NEGR1: variants seen among roughly 807,000 people sequenced by gnomAD.
NEGR1 encodes neuronal growth regulator 1, also known as IgLON family member 4.
Under a neutral mutation model 40.9 loss-of-function variants are expected in NEGR1, and 10 were observed. That is an observed-to-expected ratio of 0.24 (90% CI 0.15 to 0.42). The LOEUF (loss-of-function observed/expected upper bound fraction) is 0.42, where lower values mean the gene tolerates loss of function less well. Among genes scored for constraint, NEGR1 ranks in the 10% least tolerant of loss-of-function variants. The pLI is 1.00. For missense variants in NEGR1, 352 were observed against 438.9 expected, an observed-to-expected ratio of 0.80 and a Z score of 1.77; for synonymous variants, 185 against 166.8, an observed-to-expected ratio of 1.11 and a Z score of -0.84.
intron 6 of NEGR1, among the ~76,000 whole-genome samples, chr1:71,470,171 A>G (rs1441794183): frequency 2.0e-5 from 3 of 152,100 alleles, no homozygotes; most frequent in African/African-American, 7.2e-5. Context: ...TATACTCAGA[A>G]TGCATCAGCA....
At chr1:71,752,388 AT>A in intron 3 of NEGR1, among the ~76,000 whole-genome samples, 1 of 152,104 alleles carries the variant, frequency 6.6e-6, no homozygotes, top group South Asian at 2.1e-4. Context: ...AGGGAAAGGG[AT>A]TTTTCCCACA....
intron 1 of NEGR1, among the ~76,000 whole-genome samples, chr1:72,063,968 T>C (rs1647218424): frequency 6.6e-6 from 1 of 151,960 alleles, no homozygotes; most frequent in South Asian, 2.1e-4. Flanking sequence ...AGTGATGGGA[T>C]GGCTTACAGT....
chr1:71,567,313 T>C (rs1570041696), intron 6 of NEGR1, among the ~76,000 whole-genome samples: 1 of 152,286 alleles, frequency 6.6e-6, no homozygotes, highest in East Asian at 1.9e-4. Context: ...TATTTTTATA[T>C]AGATTCTGCT....
intron 6 of NEGR1, among the ~76,000 whole-genome samples, chr1:71,549,432 G>T (rs1475670557): frequency 6.6e-6 from 1 of 151,676 alleles, no homozygotes; most frequent in African/African-American, 2.4e-5. Flanking sequence ...GATCAAAATT[G>T]CTCAAAATTT....
At chr1:71,727,489 G>GA (rs1379298155) in intron 3 of NEGR1, among the ~76,000 whole-genome samples, 3 of 152,202 alleles carry the variant, frequency 2.0e-5, no homozygotes, top group East Asian at 1.9e-4. Flanking sequence ...AATCCATGGA[G>GA]AAAAAATCAA....
chr1:71,571,246 A>G (rs536172627), intron 6 of NEGR1, among the ~76,000 whole-genome samples: 27 of 152,204 alleles, frequency 1.8e-4, no homozygotes, highest in Non-Finnish European at 3.5e-4. Flanking sequence ...TGGAGGAGCC[A>G]TATGTGTTTA....
intron 1 of NEGR1, among the ~76,000 whole-genome samples, chr1:72,237,279 T>C (rs750179488): frequency 6.6e-6 from 1 of 152,014 alleles, no homozygotes; most frequent in Non-Finnish European, 1.5e-5. Context: ...AGGAACCTGA[T>C]AGGATTCTTA....
At chr1:71,935,004 A>G in intron 2 of NEGR1, 75 bp downstream of exon 2, 1 of 812,566 alleles carries the variant, frequency 1.2e-6, no homozygotes, top group South Asian at 1.6e-5. Context: ...ACTGCTTCCT[A>G]GTCATTTTGA....
intron 3 of NEGR1, among the ~76,000 whole-genome samples, chr1:71,769,686 C>A (rs751454885): frequency 6.6e-5 from 10 of 152,198 alleles, no homozygotes; most frequent in Non-Finnish European, 1.5e-4. Flanking sequence ...GAGGCCTCCC[C>A]AGTCCTGTGG....
At chr1:71,592,515 C>A (rs1649534637) in intron 6 of NEGR1, among the ~76,000 whole-genome samples, 1 of 152,174 alleles carries the variant, frequency 6.6e-6, no homozygotes, top group Admixed American at 6.6e-5. Context: ...CTCACCAAAT[C>A]TACTGACTTC....
At chr1:72,131,734 T>C (rs978044467) in intron 1 of NEGR1, among the ~76,000 whole-genome samples, 3 of 152,200 alleles carry the variant, frequency 2.0e-5, no homozygotes, top group Admixed American at 6.5e-5. Flanking sequence ...GTACTACATA[T>C]GCATTTACAG....
chr1:71,552,795 GT>G (rs1289360804), intron 6 of NEGR1, among the ~76,000 whole-genome samples: 3 of 151,178 alleles, frequency 2.0e-5, no homozygotes, highest in Non-Finnish European at 4.4e-5. Flanking sequence ...GCCCAACTCT[GT>G]TTTTTCTTGG....
intron 1 of NEGR1, among the ~76,000 whole-genome samples, chr1:72,044,694 G>T (rs1646986184): frequency 1.3e-5 from 2 of 151,762 alleles, no homozygotes; most frequent in South Asian, 4.1e-4. Flanking sequence ...ATAAGCAAAT[G>T]CCTAACATTC....
chr1:72,161,676 C>CTTTCTT (rs1651566229), intron 1 of NEGR1, among the ~76,000 whole-genome samples: 4 of 84,568 alleles, frequency 4.7e-5, no homozygotes, highest in African/African-American at 2.0e-4. Flanking sequence ...TTCTTTCTTT[C>CTTTCTT]TTTTTTTTTT....
At chr1:71,487,350 A>G (rs1475753483) in intron 6 of NEGR1, among the ~76,000 whole-genome samples, 1 of 151,660 alleles carries the variant, frequency 6.6e-6, no homozygotes, top group Non-Finnish European at 1.5e-5. Context: ...AGATGATTTT[A>G]GTATAATATC....
chr1:71,402,409 G>C lies in NEGR1; in HGVS notation c.*5037C>G, dbSNP rs1646252666. The C allele has an allele frequency of 6.6e-6, 1 of 152,108 alleles. No homozygotes were observed. Among genetic ancestry groups the C allele is most frequent in the East Asian group, 1.9e-4 (1 of 5,186 alleles). 9.4% of individuals were successfully genotyped at this position (152,108 alleles called of 1,614,324 possible). ...GTTTCTTAGACTGAAGGAAAGCCCT[G>C]GGAGAGATTGGTCTAGCTTTAGGAT... On this transcript the variant is annotated 3_prime_UTR_variant, in exon 7 of 7. Coordinates refer to ENST00000357731, the MANE Select transcript of NEGR1 (RefSeq NM_173808.3).
intron 1 of NEGR1, among the ~76,000 whole-genome samples, chr1:72,041,397 T>A (rs1646952704): frequency 1.3e-5 from 2 of 150,698 alleles, no homozygotes; most frequent in Admixed American, 6.7e-5. Flanking sequence ...AAAAATATTA[T>A]TCCTAATTCA....
At chr1:71,728,889 G>C (rs763136933) in intron 3 of NEGR1, among the ~76,000 whole-genome samples, 7 of 152,256 alleles carry the variant, frequency 4.6e-5, no homozygotes, top group South Asian at 2.1e-4. Context: ...GTCCACCTGG[G>C]AGAGGAGGAG....
intron 1 of NEGR1, among the ~76,000 whole-genome samples, chr1:72,120,261 C>A (rs1294220401): frequency 6.6e-6 from 1 of 151,754 alleles, no homozygotes; most frequent in Non-Finnish European, 1.5e-5. Flanking sequence ...AATTATTTGA[C>A]TGCATTGTAA....
Sources: allele counts gnomAD v4.1 joint callset (sites outside exome capture counted in the v4.1 genomes callset), GRCh38; gene constraint gnomAD v4.1.1; transcripts MANE v1.5; gene names NCBI Gene and HGNC (gene_info 2026-07-23, HGNC 2026-07-21).